The following SHANK2 variants were observed in gnomAD, a reference collection of about 807,000 sequenced individuals.
The protein encoded by SHANK2 is SH3 and multiple ankyrin repeat domains protein 2.
SHANK2 carries 43 observed loss-of-function variants against 133.7 expected under a neutral mutation model. The observed-to-expected ratio is 0.32, with a 90% CI of 0.25 to 0.41. SHANK2 has a LOEUF of 0.41. Among genes scored for constraint, SHANK2 ranks in the 10% least tolerant of loss-of-function variants. The probability of loss-of-function intolerance (pLI) is 1.00; values close to 1 mark genes in which losing one functional copy is unlikely to be tolerated. For synonymous variants in SHANK2, 1,017 were observed against 952.8 expected, an observed-to-expected ratio of 1.07 and a Z score of -1.24; for missense variants, 1,994 against 2,235.8, an observed-to-expected ratio of 0.89 and a Z score of 2.18.
intron 11 of SHANK2, among the ~76,000 whole-genome samples, chr11:70,863,123 A>G (rs1949288506): frequency 6.6e-6 from 1 of 152,182 alleles, no homozygotes; most frequent in South Asian, 2.1e-4. Flanking sequence ...GAAACCGTGA[A>G]CACTGTCACA....
intron 17 of SHANK2, among the ~76,000 whole-genome samples, chr11:70,646,930 G>A (rs781817138): frequency 1.3e-4 from 19 of 151,378 alleles, no homozygotes; most frequent in Non-Finnish European, 1.9e-4. Context: ...GCACAATCTC[G>A]GCTCACTGCA....
At chr11:70,651,015 T>C (rs1227944262) in intron 17 of SHANK2, among the ~76,000 whole-genome samples, 12 of 152,200 alleles carry the variant, frequency 7.9e-5, no homozygotes, top group African/African-American at 2.7e-4. Flanking sequence ...CACACTTTTA[T>C]TTACAGTTCA....
chr11:70,504,335 G>C (rs1451539591), intron 17 of SHANK2, among the ~76,000 whole-genome samples: 4 of 150,466 alleles, frequency 2.7e-5, no homozygotes, highest in African/African-American at 9.8e-5. Flanking sequence ...TCACCATACT[G>C]TTGACAGGCC....
intron 10 of SHANK2, among the ~76,000 whole-genome samples, chr11:70,898,328 A>G (rs546956860): frequency 2.2e-4 from 33 of 151,536 alleles, no homozygotes; most frequent in African/African-American, 7.5e-4. Flanking sequence ...ATATGTGTAT[A>G]TATATATATG....
intron 17 of SHANK2, among the ~76,000 whole-genome samples, chr11:70,536,250 G>A (rs1026969598): frequency 6.6e-6 from 1 of 152,384 alleles, no homozygotes; most frequent in African/African-American, 2.4e-5. Flanking sequence ...CAGGGGCTGG[G>A]CCAGCTGTAA....
intron 2 of SHANK2, among the ~76,000 whole-genome samples, chr11:71,224,213 G>A (rs1478713980): frequency 6.6e-6 from 1 of 152,180 alleles, no homozygotes; most frequent in East Asian, 1.9e-4. Context: ...CAGGTGAGGT[G>A]ATACCAGCAA....
At chr11:70,803,837 TG>T (rs1273442350) in intron 13 of SHANK2, among the ~76,000 whole-genome samples, 4 of 146,080 alleles carry the variant, frequency 2.7e-5, no homozygotes, top group Non-Finnish European at 6.0e-5. Flanking sequence ...GGAGCGTCAG[TG>T]GGGGAATCGG....
At chr11:70,871,179 C>G (rs1297168955) in intron 11 of SHANK2, among the ~76,000 whole-genome samples, 1 of 152,202 alleles carries the variant, frequency 6.6e-6, no homozygotes, top group Non-Finnish European at 1.5e-5. Flanking sequence ...TACCTCTAAA[C>G]AAGGTCACAC....
intron 17 of SHANK2, among the ~76,000 whole-genome samples, chr11:70,507,164 C>G (rs1554968545): frequency 3.3e-5 from 5 of 152,206 alleles, no homozygotes; most frequent in Non-Finnish European, 4.4e-5. Context: ...TGCTGCTGTG[C>G]CCGCCCGCCC....
intron 17 of SHANK2, among the ~76,000 whole-genome samples, chr11:70,584,338 T>C (rs2060221042): frequency 6.6e-6 from 1 of 152,224 alleles, no homozygotes; most frequent in Non-Finnish European, 1.5e-5. Context: ...CTCTTTCTGA[T>C]GCTCTGGCAT....
chr11:70,680,753 G>C (rs1397566008), intron 15 of SHANK2, among the ~76,000 whole-genome samples: 2 of 152,184 alleles, frequency 1.3e-5, no homozygotes, highest in Non-Finnish European at 2.9e-5. Context: ...TCCCTGGTGA[G>C]GCTCAAGGTG....
chr11:70,666,034 G>A (rs2134301439), intron 15 of SHANK2, among the ~76,000 whole-genome samples: 1 of 152,272 alleles, frequency 6.6e-6, no homozygotes, highest in South Asian at 2.1e-4. Flanking sequence ...GATGCAAAAT[G>A]GGTATGAACT....
intron 9 of SHANK2, among the ~76,000 whole-genome samples, chr11:71,064,665 G>T (rs1951026719): frequency 6.6e-6 from 1 of 151,432 alleles, no homozygotes; most frequent in Non-Finnish European, 1.5e-5. Flanking sequence ...GGGTGGTGGG[G>T]ACAAGAGGGG....
intron 17 of SHANK2, among the ~76,000 whole-genome samples, chr11:70,653,147 G>A (rs1555010610): frequency 6.6e-6 from 1 of 151,966 alleles, no homozygotes; most frequent in Non-Finnish European, 1.5e-5. Flanking sequence ...TAATTTTTTT[G>A]TATTTTTAGT....
intron 17 of SHANK2, among the ~76,000 whole-genome samples, chr11:70,538,104 A>AG (rs1299223902): frequency 6.6e-6 from 1 of 152,170 alleles, no homozygotes; most frequent in Non-Finnish European, 1.5e-5. Flanking sequence ...GGTGGAGATG[A>AG]GGGGCAGAGA....
intron 14 of SHANK2, among the ~76,000 whole-genome samples, chr11:70,730,771 C>T (rs1946270587): frequency 6.6e-6 from 1 of 151,948 alleles, no homozygotes; most frequent in Admixed American, 6.6e-5. Context: ...CAGCAACTTT[C>T]CTTCCCAAAG....
chr11:70,738,281 C>A (rs1946449340), intron 14 of SHANK2, among the ~76,000 whole-genome samples: 1 of 152,268 alleles, frequency 6.6e-6, no homozygotes, highest in Non-Finnish European at 1.5e-5. Context: ...TCTGGCCTGG[C>A]AGAAAGCCGG....
At chr11:71,214,430 C>T (rs560864803) in intron 2 of SHANK2, among the ~76,000 whole-genome samples, 13 of 152,286 alleles carry the variant, frequency 8.5e-5, no homozygotes, top group Non-Finnish European at 1.6e-4. Context: ...CACCCACAGC[C>T]GAAACACACA....
intron 17 of SHANK2, among the ~76,000 whole-genome samples, chr11:70,643,555 G>A (rs546889059): frequency 1.4e-5 from 2 of 138,874 alleles, no homozygotes; most frequent in Non-Finnish European, 3.0e-5. Context: ...GACAGAGTGA[G>A]ACTCCGTCTC....
Sources: allele counts gnomAD v4.1 joint callset (sites outside exome capture counted in the v4.1 genomes callset), GRCh38; gene constraint gnomAD v4.1.1; transcripts MANE v1.5; gene names NCBI Gene and HGNC (gene_info 2026-07-23, HGNC 2026-07-21).